Variants in KALRN observed in about 807,000 individuals in gnomAD.
The protein encoded by KALRN is kalirin RhoGEF kinase.
KALRN carries 70 observed loss-of-function variants against 353.7 expected under a neutral mutation model. That is an observed-to-expected ratio of 0.20 (90% CI 0.16 to 0.24). The LOEUF (loss-of-function observed/expected upper bound fraction) is 0.24, where lower values mean the gene tolerates loss of function less well. Ranked by LOEUF, KALRN falls within the 10% of genes least tolerant of loss-of-function variation. The pLI, the probability that KALRN is intolerant of heterozygous loss-of-function variation, is 1.00. For synonymous variants in KALRN, 1,391 were observed against 1,434.8 expected (o/e 0.97, Z 0.69); for missense variants, 2,791 against 3,756.7 (o/e 0.74, Z 6.72).
At chr3:124,575,316 G>A (rs1013217865) in intron 34 of KALRN, among the ~76,000 whole-genome samples, 9 of 152,186 alleles carry the variant, frequency 5.9e-5, no homozygotes, top group South Asian at 2.1e-4. Context: ...TAATTGCCCC[G>A]TTGCTTGCCC....
chr3:124,519,056 A>C (rs2066938311), intron 33 of KALRN: 4 of 985,594 alleles, frequency 4.1e-6, no homozygotes, highest in Non-Finnish European at 4.8e-6. Context: ...TTCCTCAACA[A>C]TTTTTCTATT....
At chr3:124,054,914 T>C (rs1289533211) in intron 1 of KALRN, among the ~76,000 whole-genome samples, 1 of 152,234 alleles carries the variant, frequency 6.6e-6, no homozygotes, top group Non-Finnish European at 1.5e-5. Context: ...TAGAAGTTTA[T>C]CATCTATAAT....
chr3:124,365,012 C>T (rs2084488539), intron 10 of KALRN, among the ~76,000 whole-genome samples: 1 of 152,170 alleles, frequency 6.6e-6, no homozygotes, highest in Non-Finnish European at 1.5e-5. Context: ...AGCCTTATCC[C>T]TCCTGCCCTG....
intron 1 of KALRN, among the ~76,000 whole-genome samples, chr3:124,222,880 T>C (rs2078070743): frequency 6.6e-6 from 1 of 152,042 alleles, no homozygotes; most frequent in Non-Finnish European, 1.5e-5. Flanking sequence ...GCTGGTATTA[T>C]AGATGTGACC....
intron 6 of KALRN, among the ~76,000 whole-genome samples, chr3:124,312,441 G>A (rs1218234058): frequency 6.6e-6 from 1 of 152,242 alleles, no homozygotes; most frequent in Admixed American, 6.5e-5. Context: ...GATCACAGGT[G>A]TGAGCCACTG....
chr3:124,558,163 A>C (rs1444600117), intron 33 of KALRN, among the ~76,000 whole-genome samples: 1 of 152,196 alleles, frequency 6.6e-6, no homozygotes, highest in Non-Finnish European at 1.5e-5. Flanking sequence ...ATGTATATGC[A>C]TATATACAGT....
rs115841806 is a variant in KALRN at position 124,489,470 on chromosome 3, C to T, written c.4396+1155C>T. 3.5e-3 allele frequency among the ~76,000 whole-genome samples: 539 copies of T among 152,286 alleles called. 3 individuals are homozygous for T. The highest frequency in any genetic ancestry group is 0.012 in the African/African-American group (493 of 41,552). The stretch of plus-strand genomic sequence containing the variant: ...CAACACCACCTTGGGAGACTTGATA[C>T]GGTCTCCATACTTCCCAGACCATCC... On this transcript the variant is annotated intron_variant, in intron 29 of 59. Transcript: ENST00000682506.
Position 124,565,255 on chromosome 3 carries a change from T to A in KALRN, c.5182+2166T>A, listed in dbSNP as rs146328823. On this transcript the variant is annotated intron_variant, in intron 34 of 59. Transcript: ENST00000682506. ...GTGCCCTCCACTCCCAATTTAATCA[T>A]TGCCTGCTTTCCCCCCTGTCCTCTG... is the stretch of plus-strand genomic sequence containing the variant. Among the ~76,000 whole-genome samples the A allele has an allele frequency of 2.9e-3, 449 of 152,280 alleles. 2 individuals carry two copies. Among genetic ancestry groups the A allele is most frequent in the Middle Eastern group, 0.01 (3 of 294 alleles).
chr3:124,102,471 G>T (rs1458446937), intron 1 of KALRN, among the ~76,000 whole-genome samples: 1 of 152,160 alleles, frequency 6.6e-6, no homozygotes, highest in Non-Finnish European at 1.5e-5. Context: ...AGAGACTCGT[G>T]GTCACTAGGT....
chr3:124,385,705 A>C (rs560010840), intron 11 of KALRN, among the ~76,000 whole-genome samples: 2 of 152,132 alleles, frequency 1.3e-5, no homozygotes, highest in Non-Finnish European at 2.9e-5. Context: ...GGAAGGATAG[A>C]TTATGTTAAG....
In KALRN at chr3:124,121,093, C is replaced by CAAAA. The variant is rs35883031; in HGVS notation, c.73+87298_73+87301dup. On this transcript the variant is annotated intron_variant, in intron 1 of 59. Coordinates refer to ENST00000682506, the MANE Select transcript of KALRN (RefSeq NM_001388419.1). ...TGGGCAACAGAGTGAGACTCCATCT[C>CAAAA]AAAAAAAAAAAAAAAAAAAAAGAAA... Among the ~76,000 whole-genome samples, 216 of 74,270 alleles carry CAAAA rather than the reference C, an allele frequency of 2.9e-3. 1 individual carries two copies. The highest frequency in any genetic ancestry group is 8.9e-3 in the Middle Eastern group (1 of 112). 48.7% of individuals were successfully genotyped at this position (74,270 alleles called of 152,430 possible).
intron 33 of KALRN, among the ~76,000 whole-genome samples, chr3:124,539,998 C>T (rs1222236050): frequency 6.6e-6 from 1 of 152,080 alleles, no homozygotes; most frequent in African/African-American, 2.4e-5. Flanking sequence ...CAACCTCCGC[C>T]TCCCAGGTTC....
intron 51 of KALRN, among the ~76,000 whole-genome samples, chr3:124,687,150 A>G (rs1293835773): frequency 6.6e-6 from 1 of 152,072 alleles, no homozygotes; most frequent in Non-Finnish European, 1.5e-5. Flanking sequence ...ATAGCTCCGA[A>G]GACTCTGGGA....
chr3:124,219,692 C>T (rs1045838547), intron 1 of KALRN, among the ~76,000 whole-genome samples: 1 of 152,148 alleles, frequency 6.6e-6, no homozygotes, highest in Admixed American at 6.5e-5. Context: ...CTCCTGCACA[C>T]CTGCCACCTA....
chr3:124,602,025 C>CAAAAAAA (rs3058058), intron 34 of KALRN, among the ~76,000 whole-genome samples: 1 of 133,196 alleles, frequency 7.5e-6, no homozygotes, highest in African/African-American at 2.7e-5. Context: ...GACTCTGTCT[C>CAAAAAAA]AAAAAAAAAA....
intron 34 of KALRN, among the ~76,000 whole-genome samples, chr3:124,564,268 C>T (rs1231579110): frequency 2.0e-5 from 3 of 149,420 alleles, no homozygotes; most frequent in Non-Finnish European, 4.4e-5. Flanking sequence ...GTAGTTCCAA[C>T]TACTCAGGGC....
At chr3:124,439,200 T>TCTCACACACACACACACACACACA (rs1553969726) in intron 18 of KALRN, among the ~76,000 whole-genome samples, 163 bp downstream of exon 18, 3 of 98,878 alleles carry the variant, frequency 3.0e-5, no homozygotes, top group African/African-American at 1.1e-4. Context: ...TCTCTCTCTC[T>TCTCACACACACACACACACACACA]CACACACACA....
intron 19 of KALRN, among the ~76,000 whole-genome samples, chr3:124,442,657 A>G (rs996631463): frequency 1.3e-5 from 2 of 152,176 alleles, no homozygotes; most frequent in African/African-American, 4.8e-5. Context: ...GACCAGCCAC[A>G]ATGACATCCC....
intron 1 of KALRN, among the ~76,000 whole-genome samples, chr3:124,130,685 C>T (rs2065174103): frequency 2.0e-5 from 3 of 152,118 alleles, no homozygotes. Flanking sequence ...CAAGAATGTT[C>T]ATATCAGCTT....
Sources: gnomAD v4.1 joint callset for allele counts (sites outside exome capture counted in the v4.1 genomes callset) on GRCh38, gnomAD v4.1.1 for gene constraint, MANE v1.5 for transcripts, NCBI Gene and HGNC (gene_info 2026-07-23, HGNC 2026-07-21) for gene names.